The following EPS8L1 variants were observed in gnomAD, a reference collection of about 807,000 sequenced individuals.
EPS8L1 encodes epidermal growth factor receptor kinase substrate 8-like protein 1.
In EPS8L1, 101 loss-of-function variants were observed where a neutral mutation model predicts 91.7. The observed-to-expected ratio is 1.10, with a 90% CI of 0.94 to 1.30. The LOEUF is 1.30. EPS8L1 is among the 50% of genes most tolerant of loss of function. The probability of loss-of-function intolerance (pLI) is 0.00; values close to 1 mark genes in which losing one functional copy is unlikely to be tolerated. For synonymous variants in EPS8L1, 506 were observed against 445.3 expected, an observed-to-expected ratio of 1.14 and a Z score of -1.72; for missense variants, 1,114 against 1,017.0, an observed-to-expected ratio of 1.10 and a Z score of -1.30.
chr19:55,081,575 G>T lies in EPS8L1; in HGVS notation c.774+83G>T. On this transcript the variant is annotated intron_variant, in intron 8 of 19. Coordinates refer to ENST00000201647, the MANE Select transcript of EPS8L1 (RefSeq NM_133180.3). This position sits in a 1 kb window ranked among gnomAD's most constrained non-coding sequence, Gnocchi z 4.9. ...GGCGTGGAAGGGCGGGGCCGGCTGC[G>T]GGACGGGCGTTCTCTGGTCAGACTT... 6.8e-7 allele frequency: 1 copy of T among 1,462,362 alleles called. No homozygotes were observed. Among genetic ancestry groups the T allele is most frequent in the Non-Finnish European group, 9.0e-7 (1 of 1,106,658 alleles). The allele number at this position is 1,462,362 out of a possible 1,614,324, so 90.6% of individuals were successfully genotyped here.
In EPS8L1 at chr19:55,080,839, G is replaced by A; in HGVS notation, c.497G>A (p.Arg166Lys). 6.2e-7 allele frequency: 1 copy of A among 1,610,494 alleles called. No homozygotes were observed. Among genetic ancestry groups the A allele is most frequent in the East Asian group, 2.2e-5 (1 of 44,758 alleles). The part of the protein sequence containing the change: ...HNYRSGRGER[R>K]AAALRATQEE... ...TACCGCTCGGGCCGCGGGGAGCGCA[G>A]GGCGGCGGCGCTCAGGTGAGAGGGA... The change falls in exon 7 of 20, where the codon AGG becomes AAG. Residue 166 changes from arginine (R) to lysine (K), a missense_variant. By Grantham distance (26) the Arg-to-Lys change is conservative. Transcript: ENST00000201647.
At position 55,086,461 on chromosome 19, in the gene EPS8L1, G is replaced by T. The variant is rs1282717896; in HGVS notation, c.1720G>T (p.Asp574Tyr). 1 of 1,552,154 alleles carries T rather than the reference G, an allele frequency of 6.4e-7. No homozygotes were observed. Among genetic ancestry groups the T allele is most frequent in the East Asian group, 2.4e-5 (1 of 40,986 alleles). Residue 574 changes from aspartate to tyrosine, a missense_variant, in exon 17 of 20, where the codon GAC becomes TAC. By Grantham distance (160) the Asp-to-Tyr change is radical. Transcript: ENST00000201647. The part of the protein sequence containing the change: ...PPPALARPRW[D>Y]RPRWDSCDSL... ...TCCAGCTCTGGCTCGGCCCCGCTGGGACAGGCCCCGCTGGGACAGCTGCGA... is the reference window on the plus strand; with the variant it reads ...TCCAGCTCTGGCTCGGCCCCGCTGGTACAGGCCCCGCTGGGACAGCTGCGA...
At chr19:55,087,207 G>A in intron 18 of EPS8L1, 96 bp from the exon 19 acceptor site, 1 of 1,495,042 alleles carries the variant, frequency 6.7e-7, no homozygotes, top group South Asian at 1.3e-5. Context: ...CTAGAATGCT[G>A]TTCTGATTGG....
intron 5 of EPS8L1, 120 bp downstream of exon 5, chr19:55,079,971 C>G: frequency 6.9e-7 from 1 of 1,444,336 alleles, no homozygotes; most frequent in Non-Finnish European, 9.1e-7. Context: ...CCCCAGCCCC[C>G]TTCTTGAGCC....
At position 55,083,390 on chromosome 19, in the gene EPS8L1, C is replaced by T; in HGVS notation, c.1227C>T (p.Ser409=). Residue 409 remains serine, a synonymous_variant, in exon 13 of 20, where the codon TCC becomes TCT. Coordinates refer to ENST00000201647, the MANE Select transcript of EPS8L1 (RefSeq NM_133180.3). This position sits in a 1 kb window ranked among gnomAD's most constrained non-coding sequence, Gnocchi z 4.7. The part of the protein sequence containing the change: ...DSWTRPGLEL[S]PEEGPPYRPE... ...TCCCTGGCCGCAGGCTGGAGCTGTC[C>T]CCGGAGGAGGGACCCCCATACAGAC... 6.2e-7 allele frequency: 1 copy of T among 1,613,050 alleles called. No homozygotes were observed.
At position 55,081,593 on chromosome 19, in the gene EPS8L1, T is replaced by G; in HGVS notation, c.774+101T>G. 5 of 879,008 alleles carry G rather than the reference T, an allele frequency of 5.7e-6. No homozygotes were observed. The highest frequency in any genetic ancestry group is 7.6e-6 in the Non-Finnish European group (5 of 655,148). The allele number at this position is 879,008 out of a possible 1,614,324, so 54.5% of individuals were successfully genotyped here. A position where few individuals can be genotyped will look rare whatever the true frequency, so the allele number is the denominator to read the frequency against. Reference sequence around the variant, plus strand: ...CGGCTGCGGGACGGGCGTTCTCTGGTCAGACTTCTGCGTTATGGAAGAGGG... The same window carrying G: ...CGGCTGCGGGACGGGCGTTCTCTGGGCAGACTTCTGCGTTATGGAAGAGGG... On this transcript the variant is annotated intron_variant, in intron 8 of 19. Transcript: ENST00000201647. This position sits in a 1 kb window ranked among gnomAD's most constrained non-coding sequence, Gnocchi z 4.9.
rs752107713 is a variant in EPS8L1 at position 55,081,313 on chromosome 19, G to C, written c.595G>C (p.Val199Leu). ...GCAGCGCCGCCCGTCAGTCCGCGCA[G>C]TGATCAGCACCGTAGAGCGGGGCGC... is the stretch of plus-strand genomic sequence containing the variant. ...PLQRRPSVRA[V>L]ISTVERGAGR... Residue 199 changes from valine (V) to leucine (L), a missense_variant, in exon 8 of 20, where the codon GTG becomes CTG. Physicochemically the swap from Val to Leu is conservative, Grantham distance 32. Coordinates refer to ENST00000201647, the MANE Select transcript of EPS8L1 (RefSeq NM_133180.3). The surrounding 1 kb of genome is among the most constrained non-coding windows in gnomAD (Gnocchi z 4.9). 8.3e-5 allele frequency: 129 copies of C among 1,554,414 alleles called. 2 individuals are homozygous for C. Among genetic ancestry groups the C allele is most frequent in the Non-Finnish European group, 1.1e-4 (123 of 1,156,406 alleles).
chr19:55,079,565 G>C, intron 4 of EPS8L1, 125 bp from the exon 5 acceptor site: 1 of 1,159,586 alleles, frequency 8.6e-7, no homozygotes, highest in Non-Finnish European at 1.2e-6. Context: ...TGGAACAGGT[G>C]ATCAAGGAAG....
intron 18 of EPS8L1, 28 bp from the exon 19 acceptor site, chr19:55,087,275 T>C: frequency 6.3e-7 from 1 of 1,576,918 alleles, no homozygotes; most frequent in Non-Finnish European, 8.6e-7. Context: ...CCGACCGGCC[T>C]GACCGCGCCC....
rs1260941369 is a variant in EPS8L1 at position 55,087,170 on chromosome 19, G to C, written c.1953-133G>C. ...ATTGTGATTGGTGGGTGGGGTTCAGGAGGTGTCGGGCCTGCCCCCGCTAGA... is the reference window on the plus strand; with the variant it reads ...ATTGTGATTGGTGGGTGGGGTTCAGCAGGTGTCGGGCCTGCCCCCGCTAGA... On this transcript the variant is annotated intron_variant, in intron 18 of 19. Coordinates refer to ENST00000201647, the MANE Select transcript of EPS8L1 (RefSeq NM_133180.3). The C allele has an allele frequency of 3.0e-6, 4 of 1,346,342 alleles. No individual in the cohort carries two copies. The African/African-American group carries it at 4.4e-5, about 15-fold the overall frequency. The allele number at this position is 1,346,342 out of a possible 1,614,324, so 83.4% of individuals were successfully genotyped here. A position where few individuals can be genotyped will look rare whatever the true frequency, so the allele number is the denominator to read the frequency against.
chr19:55,079,637 A>G, intron 4 of EPS8L1, 53 bp from the exon 5 acceptor site: 2 of 1,576,840 alleles, frequency 1.3e-6, no homozygotes, highest in African/African-American at 1.3e-5. Flanking sequence ...GGGGATTCTG[A>G]GCCCACCTGG....
chr19:55,081,775 C>T lies in EPS8L1; in HGVS notation c.777C>T (p.Asp259=), dbSNP rs560381719. 6.8e-6 allele frequency: 11 copies of T among 1,609,388 alleles called. No individual in the cohort carries two copies. In the South Asian group the frequency reaches 1.1e-4, roughly 16 times the overall value. The part of the protein sequence containing the change: ...LAVLQAEREV[D]ILNHVFDDVE... ...CGTCCCCCTCCTCTGTCCCCTAGGACATCCTGAACCACGTGTTCGACGACG... is the reference window on the plus strand; with the variant it reads ...CGTCCCCCTCCTCTGTCCCCTAGGATATCCTGAACCACGTGTTCGACGACG... The change falls in exon 9 of 20, where the codon GAC becomes GAT. Residue 259 remains aspartate, a splice_region_variant and synonymous_variant. Transcript: ENST00000201647. The surrounding 1 kb of genome is among the most constrained non-coding windows in gnomAD (Gnocchi z 4.9).
rs2076307019 is a variant in EPS8L1 at position 55,083,175 on chromosome 19, C to T, written c.1215-203C>T. Among the ~76,000 whole-genome samples, 1 of 152,174 alleles carries T rather than the reference C, an allele frequency of 6.6e-6. No homozygotes were observed. The highest frequency in any genetic ancestry group is 1.5e-5 in the Non-Finnish European group (1 of 68,034). On this transcript the variant is annotated intron_variant, in intron 12 of 19. Transcript: ENST00000201647. The surrounding 1 kb of genome is among the most constrained non-coding windows in gnomAD (Gnocchi z 4.7). ...CCTCCCAAAATGCTGGGATTACAGGCGTGAGCCACCGTGCCCGGTCTAGAA... is the reference window on the plus strand; with the variant it reads ...CCTCCCAAAATGCTGGGATTACAGGTGTGAGCCACCGTGCCCGGTCTAGAA...
In EPS8L1 at chr19:55,081,566, G is replaced by A; in HGVS notation, c.774+74G>A. The A allele has an allele frequency of 6.8e-7, 1 of 1,467,352 alleles. No homozygotes were observed. The highest frequency in any genetic ancestry group is 9.0e-7 in the Non-Finnish European group (1 of 1,109,614). 90.9% of individuals were successfully genotyped at this position (1,467,352 alleles called of 1,614,324 possible). ...CGGGGCTAGGGCGTGGAAGGGCGGGGCCGGCTGCGGGACGGGCGTTCTCTG... is the reference window on the plus strand; with the variant it reads ...CGGGGCTAGGGCGTGGAAGGGCGGGACCGGCTGCGGGACGGGCGTTCTCTG... On this transcript the variant is annotated intron_variant, in intron 8 of 19. Coordinates refer to ENST00000201647, the MANE Select transcript of EPS8L1 (RefSeq NM_133180.3). The surrounding 1 kb of genome is among the most constrained non-coding windows in gnomAD (Gnocchi z 4.9).
intron 4 of EPS8L1, 23 bp downstream of exon 4, chr19:55,079,080 C>A (rs762044124): frequency 1.2e-6 from 2 of 1,613,514 alleles, no homozygotes; most frequent in Non-Finnish European, 1.7e-6. Context: ...TCTGTGTTCC[C>A]CCAGGACATC....
intron 9 of EPS8L1, 85 bp from the exon 10 acceptor site, chr19:55,082,007 G>A (rs765121339): frequency 1.3e-6 from 2 of 1,551,298 alleles, no homozygotes; most frequent in South Asian, 1.2e-5. Flanking sequence ...TGACCTCACC[G>A]CCATCTTAAC....
rs1671162 is a variant in EPS8L1 at position 55,081,861 on chromosome 19, G to C, written c.863G>C (p.Arg288Pro). The C allele has an allele frequency of 5.6e-6, 9 of 1,609,824 alleles. No individual in the cohort carries two copies. The highest frequency in any genetic ancestry group is 7.6e-6 in the Non-Finnish European group (9 of 1,177,894). The change falls in exon 9 of 20, where the codon CGG becomes CCG. Residue 288 changes from arginine to proline, a missense_variant. By Grantham distance (103) the Arg-to-Pro change is moderately radical. Coordinates refer to ENST00000201647, the MANE Select transcript of EPS8L1 (RefSeq NM_133180.3). This position sits in a 1 kb window ranked among gnomAD's most constrained non-coding sequence, Gnocchi z 4.9. Reference sequence around the variant, plus strand: ...GAGGCGGCCAGGGTGCTGGAGCACCGGGAACGCGGCCGCAGGAGCCGGCGC... The same window carrying C: ...GAGGCGGCCAGGGTGCTGGAGCACCCGGAACGCGGCCGCAGGAGCCGGCGC... ...SAEAARVLEH[R>P]ERGRRSRRRA...
In EPS8L1 at chr19:55,082,272, C is replaced by T. The variant is rs2076283757; in HGVS notation, c.991-3C>T. 1.2e-6 allele frequency: 2 copies of T among 1,611,450 alleles called. No homozygotes were observed. The highest frequency in any genetic ancestry group is 2.7e-5 in the African/African-American group (2 of 74,912). On this transcript the variant is annotated splice_region_variant and splice_polypyrimidine_tract_variant and intron_variant, in intron 10 of 19. Transcript: ENST00000201647. Reference sequence around the variant, plus strand: ...GCCAACCACCTCCCTCCCCACGCCCCAGGCCCGGCTGCGCGGCAACATCGC... The same window carrying T: ...GCCAACCACCTCCCTCCCCACGCCCTAGGCCCGGCTGCGCGGCAACATCGC...
Position 55,081,205 on chromosome 19 carries a change from C to A in EPS8L1, c.513-26C>A. 1.3e-6 allele frequency: 2 copies of A among 1,494,058 alleles called. No homozygotes were observed. Among genetic ancestry groups the A allele is most frequent in the Non-Finnish European group, 1.8e-6 (2 of 1,131,594 alleles). The allele number at this position is 1,494,058 out of a possible 1,614,324, so 92.6% of individuals were successfully genotyped here. A position where few individuals can be genotyped will look rare whatever the true frequency, so the allele number is the denominator to read the frequency against. ...CCCTGGACCCCTCAGTGGACCCAGT[C>A]TTGGTGTCCCCGTCGCCCTCCGCAG... is the stretch of plus-strand genomic sequence containing the variant. On this transcript the variant is annotated intron_variant, in intron 7 of 19. Coordinates refer to ENST00000201647, the MANE Select transcript of EPS8L1 (RefSeq NM_133180.3). The surrounding 1 kb of genome is among the most constrained non-coding windows in gnomAD (Gnocchi z 4.9).
Sources: allele counts gnomAD v4.1 joint callset (sites outside exome capture counted in the v4.1 genomes callset), GRCh38; gene constraint gnomAD v4.1.1; non-coding constraint Gnocchi (gnomAD v3.1); transcripts MANE v1.5; gene names NCBI Gene and HGNC (gene_info 2026-07-23, HGNC 2026-07-21).